NELL1: variants seen among roughly 807,000 people sequenced by gnomAD.
The protein encoded by NELL1 is protein kinase C-binding protein NELL1.
NELL1 carries 76 observed loss-of-function variants against 107.4 expected under a neutral mutation model. The observed-to-expected ratio is 0.71, with a 90% confidence interval of 0.59 to 0.86. NELL1 has a LOEUF of 0.86. NELL1 is among the 40% of genes least tolerant of loss of function. The probability of loss-of-function intolerance (pLI) is 0.00; values close to 1 mark genes in which losing one functional copy is unlikely to be tolerated. For missense variants in NELL1, 1,024 were observed against 1,005.5 expected (o/e 1.02, Z -0.25); for synonymous variants, 353 against 341.2 (o/e 1.03, Z -0.38).
chr11:21,455,166 T>C (rs945285762), intron 15 of NELL1, among the ~76,000 whole-genome samples: 1 of 152,136 alleles, frequency 6.6e-6, no homozygotes, highest in Admixed American at 6.5e-5. Flanking sequence ...TGTCAAATTA[T>C]AGTTTTACAG....
chr11:20,911,889 C>T (rs1243220386), intron 5 of NELL1, among the ~76,000 whole-genome samples: 1 of 152,144 alleles, frequency 6.6e-6, no homozygotes, highest in Non-Finnish European at 1.5e-5. Flanking sequence ...TGTCTCATTA[C>T]AGAAATTACC....
intron 13 of NELL1, among the ~76,000 whole-genome samples, chr11:21,194,771 A>G (rs983174041): frequency 6.6e-6 from 1 of 152,194 alleles, no homozygotes; most frequent in Non-Finnish European, 1.5e-5. Flanking sequence ...GATTTGATCA[A>G]CTTTCTAAGA....
chr11:21,013,851 C>T (rs564947721), intron 12 of NELL1, among the ~76,000 whole-genome samples: 1 of 152,110 alleles, frequency 6.6e-6, no homozygotes, highest in East Asian at 1.9e-4. Context: ...ATTATGTTTC[C>T]TTAGGCTTTC....
At chr11:20,786,852 C>CA (rs1007733809) in intron 3 of NELL1, among the ~76,000 whole-genome samples, 17 of 151,276 alleles carry the variant, frequency 1.1e-4, no homozygotes, top group South Asian at 2.1e-4. Context: ...ACTAAAAATA[C>CA]AAAAAATTAG....
chr11:20,689,785 C>G (rs1160112734), intron 2 of NELL1, among the ~76,000 whole-genome samples: 1 of 151,596 alleles, frequency 6.6e-6, no homozygotes, highest in African/African-American at 2.4e-5. Context: ...ATTTATAGTC[C>G]TTTGGGTATA....
chr11:21,386,563 C>G (rs1396175468), intron 15 of NELL1, among the ~76,000 whole-genome samples: 2 of 151,832 alleles, frequency 1.3e-5, no homozygotes, highest in Non-Finnish European at 1.5e-5. Context: ...TCTTTTGGAG[C>G]AGACCATCTG....
In NELL1 at chr11:21,375,991, G is replaced by A. The variant is rs150883820; in HGVS notation, c.1645+5043G>A. On this transcript the variant is annotated intron_variant, in intron 15 of 19. Transcript: ENST00000357134. Reference sequence around the variant, plus strand: ...GTTTGTGAAGATTTTCTCCCATTCTGTAGGTTGTCTGCTTACTCTGTTGAT... The same window carrying A: ...GTTTGTGAAGATTTTCTCCCATTCTATAGGTTGTCTGCTTACTCTGTTGAT... Among the ~76,000 whole-genome samples the A allele has an allele frequency of 8.3e-3, 1,257 of 152,138 alleles. 25 individuals carry two copies. Among genetic ancestry groups the A allele is most frequent in the African/African-American group, 0.028 (1,180 of 41,520 alleles).
At chr11:20,999,447 C>G (rs1590521003) in intron 12 of NELL1, among the ~76,000 whole-genome samples, 1 of 152,288 alleles carries the variant, frequency 6.6e-6, no homozygotes, top group Non-Finnish European at 1.5e-5. Flanking sequence ...TTGTTCTGTT[C>G]CGTGAATGTG....
intron 13 of NELL1, among the ~76,000 whole-genome samples, chr11:21,132,829 C>T (rs939517968): frequency 6.6e-6 from 1 of 152,068 alleles, no homozygotes. Flanking sequence ...ACCCTGTTTG[C>T]GTTGCTGCTC....
chr11:20,964,996 C>A (rs1463155767), intron 12 of NELL1, among the ~76,000 whole-genome samples: 2 of 151,994 alleles, frequency 1.3e-5, no homozygotes, highest in Admixed American at 1.3e-4. Flanking sequence ...AGTTATGCTA[C>A]CTTGTGCGTA....
intron 14 of NELL1, among the ~76,000 whole-genome samples, chr11:21,251,187 G>T (rs2133910496): frequency 6.6e-6 from 1 of 152,178 alleles, no homozygotes; most frequent in South Asian, 2.1e-4. Context: ...TTTAATTACT[G>T]CTAAGGACAC....
chr11:20,934,056 G>A (rs1184248055), intron 9 of NELL1, among the ~76,000 whole-genome samples: 1 of 152,030 alleles, frequency 6.6e-6, no homozygotes, highest in Non-Finnish European at 1.5e-5. Context: ...AAATGCCCCA[G>A]CCAAACGCAC....
chr11:20,770,420 A>G (rs17298523), intron 2 of NELL1, among the ~76,000 whole-genome samples: 2,287 of 152,314 alleles, frequency 0.015, 26 homozygotes, highest in Admixed American at 0.023. Context: ...AGATGCACAC[A>G]TTTCTTGGAG....
chr11:20,830,681 A>G (rs72942558), intron 3 of NELL1, among the ~76,000 whole-genome samples: 10,166 of 152,012 alleles, frequency 0.067, 341 homozygotes, highest in South Asian at 0.088. Flanking sequence ...AAAGAGGGGA[A>G]CTCTTTTCTT....
At chr11:21,004,749 ATAAAAT>A (rs912308573) in intron 12 of NELL1, among the ~76,000 whole-genome samples, 4 of 152,118 alleles carry the variant, frequency 2.6e-5, no homozygotes, top group African/African-American at 9.7e-5. Flanking sequence ...CCCTTTTAAA[ATAAAAT>A]TAGAGTGGCA....
At chr11:20,963,137 C>T (rs1851322331) in intron 12 of NELL1, among the ~76,000 whole-genome samples, 1 of 152,044 alleles carries the variant, frequency 6.6e-6, no homozygotes, top group Non-Finnish European at 1.5e-5. Context: ...AAGAATGGTA[C>T]CCTCACAGCA....
chr11:20,863,800 C>T (rs889072597), intron 4 of NELL1, among the ~76,000 whole-genome samples: 2 of 152,190 alleles, frequency 1.3e-5, no homozygotes, highest in Non-Finnish European at 2.9e-5. Flanking sequence ...CACGCCACTG[C>T]ACTCCAGCCT....
At chr11:21,280,730 G>A (rs76647854) in intron 14 of NELL1, among the ~76,000 whole-genome samples, 2,251 of 151,984 alleles carry the variant, frequency 0.015, 66 homozygotes, top group African/African-American at 0.051. Context: ...AAATGCTATG[G>A]GGCGTTAAAT....
chr11:20,819,431 G>C (rs534122918), intron 3 of NELL1, among the ~76,000 whole-genome samples: 1 of 152,298 alleles, frequency 6.6e-6, no homozygotes, highest in South Asian at 2.1e-4. Flanking sequence ...AAAGGCCGTT[G>C]TTTACATGCT....
Sources: allele counts gnomAD v4.1 joint callset (sites outside exome capture counted in the v4.1 genomes callset), GRCh38; gene constraint gnomAD v4.1.1; transcripts MANE v1.5; gene names NCBI Gene and HGNC (gene_info 2026-07-23, HGNC 2026-07-21).